The following TAFA1 variants were observed in gnomAD, a reference collection of about 807,000 sequenced individuals.
TAFA1 encodes the protein chemokine-like protein TAFA-1.
Under a neutral mutation model 18.5 loss-of-function variants are expected in TAFA1, and 4 were observed. The observed-to-expected ratio is 0.22, with a 90% CI of 0.11 to 0.49. The LOEUF is 0.49. Among genes scored for constraint, TAFA1 ranks in the 20% least tolerant of loss-of-function variants. The pLI, the probability that TAFA1 is intolerant of heterozygous loss-of-function variation, is 0.98. For missense variants in TAFA1, 147 were observed against 169.0 expected (o/e 0.87, Z 0.72); for synonymous variants, 56 against 55.2 (o/e 1.01, Z -0.06).
At chr3:68,518,068 CTACTT>C (rs2072952369) in intron 3 of TAFA1, among the ~76,000 whole-genome samples, 1 of 152,200 alleles carries the variant, frequency 6.6e-6, no homozygotes, top group African/African-American at 2.4e-5. Flanking sequence ...TTCCCTTTCT[CTACTT>C]TACTGCCTTT....
At chr3:68,303,031 A>G (rs1169874517) in intron 2 of TAFA1, among the ~76,000 whole-genome samples, 2 of 152,082 alleles carry the variant, frequency 1.3e-5, no homozygotes, top group Admixed American at 1.3e-4. Context: ...ATGACTACAT[A>G]TTTTTTTCAA....
chr3:68,144,912 G>A (rs191127277), intron 2 of TAFA1: 1 of 709,398 alleles, frequency 1.4e-6, no homozygotes, highest in East Asian at 2.7e-5. Flanking sequence ...GATAATAATA[G>A]GTCATATCTT....
intron 2 of TAFA1, among the ~76,000 whole-genome samples, chr3:68,253,764 G>A (rs527390931): frequency 6.6e-6 from 1 of 152,138 alleles, no homozygotes; most frequent in Non-Finnish European, 1.5e-5. Context: ...AAATTAGAAG[G>A]TTAGATGTTT....
At chr3:68,473,425 TG>T (rs1449718101) in intron 3 of TAFA1, among the ~76,000 whole-genome samples, 6 of 152,218 alleles carry the variant, frequency 3.9e-5, no homozygotes, top group Non-Finnish European at 7.3e-5. Context: ...TGCCTCTAGT[TG>T]CATAACTTGC....
chr3:68,374,914 C>A lies in TAFA1; in HGVS notation c.119-42366C>A, dbSNP rs929635823. On this transcript the variant is annotated intron_variant, in intron 2 of 4. Coordinates refer to ENST00000478136, the MANE Select transcript of TAFA1 (RefSeq NM_213609.4). ...TTCAACACCTCTTATCTCTTGCCTGCAAAATCATCCTCCAGTGCAAAAGTA... is the reference window on the plus strand; with the variant it reads ...TTCAACACCTCTTATCTCTTGCCTGAAAAATCATCCTCCAGTGCAAAAGTA... Among the ~76,000 whole-genome samples the A allele has an allele frequency of 2.0e-4, 30 of 152,008 alleles. 1 individual carries two copies. The East Asian group carries it at 2.5e-3, about 13-fold the overall frequency.
chr3:68,461,683 G>T (rs2071785553), intron 3 of TAFA1, among the ~76,000 whole-genome samples: 1 of 151,324 alleles, frequency 6.6e-6, no homozygotes, highest in Non-Finnish European at 1.5e-5. Flanking sequence ...ATGTTCATCT[G>T]TCCTCAAGCA....
intron 2 of TAFA1, among the ~76,000 whole-genome samples, chr3:68,398,803 T>C (rs113470971): frequency 3.0e-3 from 463 of 152,338 alleles, no homozygotes; most frequent in African/African-American, 0.011. Flanking sequence ...TGCTGTCAAA[T>C]TGACATCTAA....
At chr3:68,457,631 T>C (rs945254149) in intron 3 of TAFA1, among the ~76,000 whole-genome samples, 10 of 152,212 alleles carry the variant, frequency 6.6e-5, no homozygotes, top group African/African-American at 2.2e-4. Context: ...ACCTCACATA[T>C]TTATCACTCT....
At chr3:68,437,599 A>T (rs1449059366) in intron 3 of TAFA1, among the ~76,000 whole-genome samples, 3 of 152,056 alleles carry the variant, frequency 2.0e-5, no homozygotes, top group Non-Finnish European at 4.4e-5. Flanking sequence ...TTCTCTTCTT[A>T]TAAAGCCACC....
intron 2 of TAFA1, among the ~76,000 whole-genome samples, chr3:68,035,834 G>A (rs1705035247): frequency 6.6e-6 from 1 of 152,182 alleles, no homozygotes; most frequent in Non-Finnish European, 1.5e-5. Flanking sequence ...GCAATGTAAT[G>A]GCAATAAAAT....
intron 2 of TAFA1, among the ~76,000 whole-genome samples, chr3:68,273,065 A>C (rs138611522): frequency 6.6e-6 from 1 of 152,200 alleles, no homozygotes; most frequent in East Asian, 1.9e-4. Flanking sequence ...ATAACTGCAA[A>C]TTATGCCACA....
At chr3:68,290,551 A>G (rs1259397538) in intron 2 of TAFA1, among the ~76,000 whole-genome samples, 2 of 152,128 alleles carry the variant, frequency 1.3e-5, no homozygotes, top group Non-Finnish European at 1.5e-5. Context: ...CATATTAACC[A>G]CATCCCATTC....
At chr3:68,369,160 G>A (rs2069630551) in intron 2 of TAFA1, among the ~76,000 whole-genome samples, 1 of 151,816 alleles carries the variant, frequency 6.6e-6, no homozygotes, top group Non-Finnish European at 1.5e-5. Context: ...TGGAACACTT[G>A]TCTAGCACAC....
intron 2 of TAFA1, among the ~76,000 whole-genome samples, chr3:68,017,607 G>T (rs1280940249): frequency 2.0e-5 from 3 of 152,182 alleles, no homozygotes; most frequent in African/African-American, 7.2e-5. Context: ...TGTGTGCCAT[G>T]AAGTTTTTTT....
chr3:68,288,176 A>G (rs2068048218), intron 2 of TAFA1, among the ~76,000 whole-genome samples: 1 of 152,144 alleles, frequency 6.6e-6, no homozygotes, highest in Non-Finnish European at 1.5e-5. Flanking sequence ...GCAGAAGTAG[A>G]AAAATCTGCT....
At chr3:68,387,928 C>T (rs962378873) in intron 2 of TAFA1, among the ~76,000 whole-genome samples, 4 of 152,162 alleles carry the variant, frequency 2.6e-5, no homozygotes, top group African/African-American at 9.7e-5. Context: ...TAAACCATTT[C>T]TGACTATATC....
intron 2 of TAFA1, among the ~76,000 whole-genome samples, chr3:68,349,725 C>T (rs576473788): frequency 3.7e-4 from 57 of 152,168 alleles, no homozygotes; most frequent in Admixed American, 2.0e-3. Context: ...GGGGGTGTGG[C>T]TGTGTTTCAA....
chr3:68,308,397 T>C (rs1324241116), intron 2 of TAFA1, among the ~76,000 whole-genome samples: 7 of 152,198 alleles, frequency 4.6e-5, no homozygotes, highest in South Asian at 2.1e-4. Flanking sequence ...TTCCCTATAC[T>C]ACCTGTTACC....
chr3:68,501,907 A>T (rs867729923), intron 3 of TAFA1, among the ~76,000 whole-genome samples: 2 of 152,180 alleles, frequency 1.3e-5, no homozygotes, highest in South Asian at 2.1e-4. Context: ...CATGCATAGG[A>T]AAAGCAGGTG....
Sources: gnomAD v4.1 joint callset for allele counts (sites outside exome capture counted in the v4.1 genomes callset) on GRCh38, gnomAD v4.1.1 for gene constraint, MANE v1.5 for transcripts, NCBI Gene and HGNC (gene_info 2026-07-23, HGNC 2026-07-21) for gene names.